SCEL: variants seen among roughly 807,000 people sequenced by gnomAD.
SCEL encodes sciellin.
SCEL carries 113 observed loss-of-function variants against 117.6 expected under a neutral mutation model. That is an observed-to-expected ratio of 0.96 (90% CI 0.83 to 1.12). The LOEUF (loss-of-function observed/expected upper bound fraction) is 1.12. SCEL is among the 50% of genes most tolerant of loss of function. The pLI is 0.00. For synonymous variants in SCEL, 270 were observed against 256.2 expected (o/e 1.05, Z -0.51); for missense variants, 785 against 810.8 (o/e 0.97, Z 0.39).
intron 29 of SCEL, among the ~76,000 whole-genome samples, chr13:77,636,717 G>C (rs908518315): frequency 2.6e-5 from 4 of 152,090 alleles, no homozygotes; most frequent in Admixed American, 2.0e-4. Flanking sequence ...AAAAGTTCAA[G>C]AATCTCAGTT....
chr13:77,575,155 T>TGG (rs1285777709), intron 9 of SCEL, among the ~76,000 whole-genome samples: 1 of 152,168 alleles, frequency 6.6e-6, no homozygotes, highest in African/African-American at 2.4e-5. Context: ...TTATACACTA[T>TGG]GGAAAAAATC....
intron 28 of SCEL, among the ~76,000 whole-genome samples, chr13:77,632,357 T>G (rs2090064112): frequency 6.6e-6 from 1 of 152,216 alleles, no homozygotes; most frequent in African/African-American, 2.4e-5. Context: ...TAAAGTTGGG[T>G]TTTGTATTGT....
At chr13:77,608,393 A>T (rs1050243478) in intron 20 of SCEL, among the ~76,000 whole-genome samples, 8 of 152,198 alleles carry the variant, frequency 5.3e-5, no homozygotes, top group Non-Finnish European at 1.0e-4. Flanking sequence ...TGAGGTCAGG[A>T]GTTCAAGTCC....
intron 9 of SCEL, among the ~76,000 whole-genome samples, chr13:77,581,547 A>AG (rs1211539879): frequency 6.6e-6 from 1 of 152,102 alleles, no homozygotes; most frequent in Non-Finnish European, 1.5e-5. Flanking sequence ...CGCCCCTGCC[A>AG]GGGGGGCTCC....
chr13:77,555,841 C>G lies in SCEL; in HGVS notation c.-19-16C>G. ...AGTCATTGATGTGCTTTCTCTATTTCCCATTTTTCTTTTAGGTCCTTACTG... is the reference window on the plus strand; with the variant it reads ...AGTCATTGATGTGCTTTCTCTATTTGCCATTTTTCTTTTAGGTCCTTACTG... On this transcript the variant is annotated splice_polypyrimidine_tract_variant and intron_variant, in intron 1 of 32. Transcript: ENST00000349847. 6.4e-7 allele frequency: 1 copy of G among 1,569,646 alleles called. No individual in the cohort carries two copies. Among genetic ancestry groups the G allele is most frequent in the Non-Finnish European group, 8.8e-7 (1 of 1,140,176 alleles).
At chr13:77,564,081 A>G (rs1485218793) in intron 5 of SCEL, among the ~76,000 whole-genome samples, 182 bp downstream of exon 5, 1 of 152,038 alleles carries the variant, frequency 6.6e-6, no homozygotes. Flanking sequence ...TCTTGGCTAG[A>G]TGCATTTCCA....
chr13:77,555,777 T>C, intron 1 of SCEL, 80 bp from the exon 2 acceptor site: 2 of 929,368 alleles, frequency 2.2e-6, no homozygotes, highest in Non-Finnish European at 3.5e-6. Flanking sequence ...CATTGAAAAG[T>C]GAATCTCAGT....
At chr13:77,628,124 A>G (rs554564277) in intron 28 of SCEL, 115 bp downstream of exon 28, 1 of 209,494 alleles carries the variant, frequency 4.8e-6, no homozygotes, top group Non-Finnish European at 9.5e-6. Flanking sequence ...TATGTAATAT[A>G]TAATTTGGAT....
chr13:77,561,161 G>A (rs576304558), intron 4 of SCEL, among the ~76,000 whole-genome samples: 6 of 152,224 alleles, frequency 3.9e-5, no homozygotes, highest in African/African-American at 1.4e-4. Flanking sequence ...ACAAAGGAGA[G>A]GCTCACCATT....
intron 9 of SCEL, among the ~76,000 whole-genome samples, chr13:77,586,665 G>A (rs1304541244): frequency 3.3e-5 from 5 of 152,162 alleles, no homozygotes; most frequent in Admixed American, 1.3e-4. Context: ...TATGGCAAGA[G>A]GAAACAATGC....
intron 4 of SCEL, 144 bp downstream of exon 4, chr13:77,560,007 T>G: frequency 1.4e-6 from 1 of 720,364 alleles, no homozygotes; most frequent in Non-Finnish European, 2.4e-6. Flanking sequence ...ATCTGTGATA[T>G]CATCAGAGGT....
intron 28 of SCEL, among the ~76,000 whole-genome samples, chr13:77,628,561 A>G (rs1005033701): frequency 6.6e-6 from 1 of 152,120 alleles, no homozygotes; most frequent in African/African-American, 2.4e-5. Context: ...GACAGGAGCT[A>G]TACTTCATTT....
chr13:77,558,904 T>C (rs966952378), intron 3 of SCEL, among the ~76,000 whole-genome samples: 2 of 152,078 alleles, frequency 1.3e-5, no homozygotes, highest in East Asian at 1.9e-4. Flanking sequence ...TTTCAGGTTT[T>C]GTTGGGTTGA....
At chr13:77,626,906 G>A (rs1387219285) in intron 27 of SCEL, among the ~76,000 whole-genome samples, 1 of 151,914 alleles carries the variant, frequency 6.6e-6, no homozygotes, top group African/African-American at 2.4e-5. Context: ...CTTCTAAACA[G>A]TGCTCCTACC....
chr13:77,583,029 A>G (rs990570598), intron 9 of SCEL, among the ~76,000 whole-genome samples: 10 of 152,218 alleles, frequency 6.6e-5, no homozygotes, highest in African/African-American at 2.4e-4. Context: ...CTACTGACCA[A>G]TAAAAGTTGA....
chr13:77,605,770 G>C (rs2154402219), intron 19 of SCEL, among the ~76,000 whole-genome samples: 1 of 152,290 alleles, frequency 6.6e-6, no homozygotes, highest in Non-Finnish European at 1.5e-5. Flanking sequence ...ACTTTGGGAG[G>C]CCGAGGCGGG....
intron 29 of SCEL, among the ~76,000 whole-genome samples, chr13:77,635,283 A>G (rs1247045362): frequency 2.6e-5 from 4 of 152,220 alleles, no homozygotes; most frequent in African/African-American, 9.6e-5. Context: ...TGGCGTGTTC[A>G]AGTCAGTGAT....
At chr13:77,605,118 T>G (rs910005085) in intron 19 of SCEL, among the ~76,000 whole-genome samples, 1 of 152,214 alleles carries the variant, frequency 6.6e-6, no homozygotes, top group Admixed American at 6.5e-5. Flanking sequence ...TTTTTGAAAC[T>G]GAATTTGTTG....
At chr13:77,633,476 C>CAAACACAA (rs542737001) in intron 28 of SCEL, among the ~76,000 whole-genome samples, 3 of 112,530 alleles carry the variant, frequency 2.7e-5, no homozygotes, top group Non-Finnish European at 5.7e-5. Context: ...AGAAGCCAGG[C>CAAACACAA]AAACACAAAG....
Sources: allele counts gnomAD v4.1 joint callset (sites outside exome capture counted in the v4.1 genomes callset), GRCh38; gene constraint gnomAD v4.1.1; transcripts MANE v1.5; gene names NCBI Gene and HGNC (gene_info 2026-07-23, HGNC 2026-07-21).